The following ELAVL3 variants were observed in gnomAD, a reference collection of about 807,000 sequenced individuals.
The protein encoded by ELAVL3 is ELAV-like protein 3.
ELAVL3 carries 8 observed loss-of-function variants against 34.2 expected under a neutral mutation model. The ratio of observed to expected loss-of-function variants is 0.23; its 90% CI spans 0.14 to 0.42. ELAVL3 has a LOEUF of 0.42. Ranked by LOEUF, ELAVL3 falls within the 10% of genes least tolerant of loss-of-function variation. The pLI is 1.00. For missense variants in ELAVL3, 273 were observed against 518.8 expected (o/e 0.53, Z 4.60); for synonymous variants, 209 against 222.1 (o/e 0.94, Z 0.53).
intron 1 of ELAVL3, among the ~76,000 whole-genome samples, chr19:11,469,366 C>T (rs1275198462): frequency 7.2e-5 from 11 of 152,172 alleles, no homozygotes; most frequent in Admixed American, 4.6e-4. Flanking sequence ...CCCCAAACTC[C>T]GCCTCTCAGG....
In ELAVL3 at chr19:11,454,778, C is replaced by G. The variant is rs1970731139; in HGVS notation, c.852G>C (p.Trp284Cys). The G allele has an allele frequency of 6.2e-7, 1 of 1,613,212 alleles. No individual in the cohort carries two copies. Among genetic ancestry groups the G allele is most frequent in the Non-Finnish European group, 8.5e-7 (1 of 1,179,820 alleles). ...GTGACAGGTTGTACACGAAGATGCA[C>G]CAGCCGGCGCCCGCCGCGCCCCCCG... ...GLSGGAAGAG[W>C]CIFVYNLSPE... Residue 284 changes from tryptophan (W) to cysteine (C), a missense_variant, in exon 7 of 7, where the codon TGG becomes TGC. By Grantham distance (215) the Trp-to-Cys change is radical. Transcript: ENST00000359227. The surrounding 1 kb of genome is among the most constrained non-coding windows in gnomAD (Gnocchi z 9.2).
chr19:11,472,277 C>A (rs954780055), intron 1 of ELAVL3, among the ~76,000 whole-genome samples: 1 of 152,016 alleles, frequency 6.6e-6, no homozygotes, highest in Non-Finnish European at 1.5e-5. Flanking sequence ...ACCCAGGAGG[C>A]GGAGGTTGCA....
At chr19:11,473,991 G>C (rs932364377) in intron 1 of ELAVL3, among the ~76,000 whole-genome samples, 3 of 152,106 alleles carry the variant, frequency 2.0e-5, no homozygotes, top group Non-Finnish European at 4.4e-5. Flanking sequence ...TTAAAAGCAG[G>C]CTTGTCACAT....
chr19:11,461,244 G>A (rs556526144), intron 3 of ELAVL3, among the ~76,000 whole-genome samples: 5 of 152,160 alleles, frequency 3.3e-5, no homozygotes, highest in African/African-American at 1.2e-4. Flanking sequence ...TGACTGGTGA[G>A]TATTGTAAAA....
At chr19:11,461,695 C>G (rs1251376803) in intron 3 of ELAVL3, among the ~76,000 whole-genome samples, 3 of 151,978 alleles carry the variant, frequency 2.0e-5, no homozygotes, top group African/African-American at 7.3e-5. Context: ...CCCCCCCGGG[C>G]TCCAGCAATC....
chr19:11,456,667 A>G (rs1305750187), intron 6 of ELAVL3, among the ~76,000 whole-genome samples: 1 of 150,632 alleles, frequency 6.6e-6, no homozygotes. Context: ...GCCCAGCCAC[A>G]TTTTTTAATT....
Position 11,453,861 on chromosome 19 carries a change from T to G in ELAVL3, c.*665A>C, listed in dbSNP as rs1381694169. The G allele has an allele frequency of 1.3e-5, 2 of 149,440 alleles. No homozygotes were observed. Among genetic ancestry groups the G allele is most frequent in the African/African-American group, 2.5e-5 (1 of 40,600 alleles). The allele number at this position is 149,440 out of a possible 1,614,324, so 9.3% of individuals were successfully genotyped here. ...TTTTTTTTTTTGTCTTTTTTTGTGTTTTTTTTTTTCAAGTTCAAGAATCCC... is the reference window on the plus strand; with the variant it reads ...TTTTTTTTTTTGTCTTTTTTTGTGTGTTTTTTTTTCAAGTTCAAGAATCCC... On this transcript the variant is annotated 3_prime_UTR_variant, in exon 7 of 7. Coordinates refer to ENST00000359227, the MANE Select transcript of ELAVL3 (RefSeq NM_001420.4).
rs1227845142 is a variant in ELAVL3 at position 11,453,977 on chromosome 19, C to G, written c.*549G>C. 4.4e-5 allele frequency: 6 copies of G among 135,158 alleles called. No homozygotes were observed. The highest frequency in any genetic ancestry group is 7.8e-5 in the Non-Finnish European group (5 of 64,000). The allele number at this position is 135,158 out of a possible 1,614,324, so 8.4% of individuals were successfully genotyped here. A position where few individuals can be genotyped will look rare whatever the true frequency, so the allele number is the denominator to read the frequency against. On this transcript the variant is annotated 3_prime_UTR_variant, in exon 7 of 7. Transcript: ENST00000359227. ...CCCCCCTTTTTTTTTCATTTTGTTT[C>G]TGCTTCCAGCCCCACTGCCTGCTCC...
intron 3 of ELAVL3, among the ~76,000 whole-genome samples, chr19:11,464,167 A>ATATATATTTT (rs1319720810): frequency 9.6e-6 from 1 of 103,850 alleles, no homozygotes; most frequent in Non-Finnish European, 1.8e-5. Flanking sequence ...ATATATATAT[A>ATATATATTTT]TTTTTTTTTT....
chr19:11,466,577 C>T lies in ELAVL3; in HGVS notation c.229+31G>A, dbSNP rs1244419762. ...CTCTGTATTTCTGAGGCTACCACCT[C>T]TGTTCCTCCCCGCAACTCCAGCAGC... On this transcript the variant is annotated intron_variant, in intron 2 of 6. Transcript: ENST00000359227. This position sits in a 1 kb window ranked among gnomAD's most constrained non-coding sequence, Gnocchi z 5.0. 6.2e-7 allele frequency: 1 copy of T among 1,611,350 alleles called. No individual in the cohort carries two copies. The highest frequency in any genetic ancestry group is 1.3e-5 in the African/African-American group (1 of 74,832).
At chr19:11,456,681 G>A (rs1970774511) in intron 6 of ELAVL3, among the ~76,000 whole-genome samples, 1 of 150,980 alleles carries the variant, frequency 6.6e-6, no homozygotes, top group African/African-American at 2.4e-5. Context: ...TTTAATTTTT[G>A]GAGATAAGGT....
chr19:11,454,394 A>C lies in ELAVL3; in HGVS notation c.*132T>G. On this transcript the variant is annotated 3_prime_UTR_variant, in exon 7 of 7. Transcript: ENST00000359227. The surrounding 1 kb of genome is among the most constrained non-coding windows in gnomAD (Gnocchi z 9.2). ...TGCTCACCCTGTGGCTTCCGCAGGGACGTGGGGCCCTCGCGTCGTCCGTGG... is the reference window on the plus strand; with the variant it reads ...TGCTCACCCTGTGGCTTCCGCAGGGCCGTGGGGCCCTCGCGTCGTCCGTGG... The C allele has an allele frequency of 1.5e-5, 13 of 862,720 alleles. No homozygotes were observed. Among genetic ancestry groups the C allele is most frequent in the South Asian group, 1.8e-5 (1 of 56,070 alleles). 53.4% of individuals were successfully genotyped at this position (862,720 alleles called of 1,614,324 possible).
intron 3 of ELAVL3, among the ~76,000 whole-genome samples, chr19:11,460,147 A>T (rs1970853804): frequency 6.6e-6 from 1 of 152,034 alleles, no homozygotes; most frequent in African/African-American, 2.4e-5. Context: ...CTAAGTGCTC[A>T]TGTCCCCAGG....
Position 11,452,410 on chromosome 19 carries a change from T to C in ELAVL3, c.*2116A>G, listed in dbSNP as rs948126353. 6 of 149,542 alleles carry C rather than the reference T, an allele frequency of 4.0e-5. No homozygotes were observed. Among genetic ancestry groups the C allele is most frequent in the African/African-American group, 1.5e-4 (6 of 40,852 alleles). The allele number at this position is 149,542 out of a possible 1,614,324, so 9.3% of individuals were successfully genotyped here. The stretch of plus-strand genomic sequence containing the variant: ...ATAAATAGTTAACATAGCAATAAGT[T>C]AAAACTACAAGAAGCTAAATTCAGC... On this transcript the variant is annotated 3_prime_UTR_variant, in exon 7 of 7. Coordinates refer to ENST00000359227, the MANE Select transcript of ELAVL3 (RefSeq NM_001420.4).
At chr19:11,461,009 C>CA (rs535847241) in intron 3 of ELAVL3, among the ~76,000 whole-genome samples, 2,350 of 89,692 alleles carry the variant, frequency 0.026, 32 homozygotes, top group Middle Eastern at 0.045. Context: ...ACAACCTCTA[C>CA]AAAAAAAAAA....
At chr19:11,464,095 C>A (rs949726149) in intron 3 of ELAVL3, among the ~76,000 whole-genome samples, 6 of 147,702 alleles carry the variant, frequency 4.1e-5, no homozygotes, top group Non-Finnish European at 5.9e-5. Flanking sequence ...CTCCCTCTCT[C>A]TCCCTCTCTC....
chr19:11,480,341 C>A lies in ELAVL3; in HGVS notation c.9+259G>T, dbSNP rs1971350527. 2.5e-6 allele frequency: 1 copy of A among 400,940 alleles called. No individual in the cohort carries two copies. The highest frequency in any genetic ancestry group is 4.4e-6 in the Non-Finnish European group (1 of 227,068). 24.8% of individuals were successfully genotyped at this position (400,940 alleles called of 1,614,324 possible). ...CAGGCCTGCTGGAGAGGGGGCAATC[C>A]CGCCTCCAGGGCGGCGTCGGACGCC... On this transcript the variant is annotated intron_variant, in intron 1 of 6. Coordinates refer to ENST00000359227, the MANE Select transcript of ELAVL3 (RefSeq NM_001420.4). This position sits in a 1 kb window ranked among gnomAD's most constrained non-coding sequence, Gnocchi z 6.8.
At chr19:11,469,441 C>T (rs141861067) in intron 1 of ELAVL3, among the ~76,000 whole-genome samples, 4,670 of 152,010 alleles carry the variant, frequency 0.031, 255 homozygotes, top group African/African-American at 0.11. Flanking sequence ...CCACCATGCC[C>T]GGCTAATTTT....
rs1186369215 is a variant in ELAVL3, at chr19:11,451,510, T to C, written c.*3016A>G. On this transcript the variant is annotated 3_prime_UTR_variant, in exon 7 of 7. Transcript: ENST00000359227. The stretch of plus-strand genomic sequence containing the variant: ...TTGTTTTGTCTTTTTTTTTTTTTTT[T>C]TTTTTACAGTTTTTTATCACCTCCA... 1 of 147,542 alleles carries C rather than the reference T, an allele frequency of 6.8e-6. No individual in the cohort carries two copies. Among genetic ancestry groups the C allele is most frequent in the Admixed American group, 6.7e-5 (1 of 14,890 alleles). The allele number at this position is 147,542 out of a possible 1,614,324, so 9.1% of individuals were successfully genotyped here. A position where few individuals can be genotyped will look rare whatever the true frequency, so the allele number is the denominator to read the frequency against.
Sources: gnomAD v4.1 joint callset for allele counts (sites outside exome capture counted in the v4.1 genomes callset) on GRCh38, gnomAD v4.1.1 for gene constraint, Gnocchi (gnomAD v3.1) non-coding constraint, MANE v1.5 for transcripts, NCBI Gene and HGNC (gene_info 2026-07-23, HGNC 2026-07-21) for gene names.